The following PHF21B variants were observed in gnomAD, a reference collection of about 807,000 sequenced individuals.
PHF21B encodes PHD finger protein 4.
Under a neutral mutation model 62.2 loss-of-function variants are expected in PHF21B, and 22 were observed. The observed-to-expected ratio is 0.35, with a 90% CI of 0.25 to 0.51. The LOEUF (loss-of-function observed/expected upper bound fraction) is 0.51. Ranked by LOEUF, PHF21B falls within the 20% of genes least tolerant of loss-of-function variation. PHF21B has a pLI of 0.97. For synonymous variants in PHF21B, 341 were observed against 314.7 expected (o/e 1.08, Z -0.88); for missense variants, 701 against 707.9 (o/e 0.99, Z 0.11).
In PHF21B at chr22:44,960,363, C is replaced by T. The variant is rs544840620; in HGVS notation, c.121-39873G>A. 3.9e-5 allele frequency among the ~76,000 whole-genome samples: 6 copies of T among 152,230 alleles called. No homozygotes were observed. In the South Asian group the frequency reaches 1.0e-3, roughly 26 times the overall value. Reference sequence around the variant, plus strand: ...CCCGAAAAATGAGAAAATTCTGGGTCGACACTGCAGTCCGGCAGCACCAGG... The same window carrying T: ...CCCGAAAAATGAGAAAATTCTGGGTTGACACTGCAGTCCGGCAGCACCAGG... On this transcript the variant is annotated intron_variant, in intron 2 of 12. Coordinates refer to ENST00000313237, the MANE Select transcript of PHF21B (RefSeq NM_138415.5).
intron 8 of PHF21B, among the ~76,000 whole-genome samples, chr22:44,890,908 C>T (rs1030225104): frequency 6.6e-6 from 1 of 152,246 alleles, no homozygotes; most frequent in African/African-American, 2.4e-5. Context: ...CCAGAGCAGG[C>T]ACAAGAGGGT....
chr22:44,935,864 CCT>C (rs962324162), intron 2 of PHF21B, among the ~76,000 whole-genome samples: 3 of 152,058 alleles, frequency 2.0e-5, no homozygotes, highest in Non-Finnish European at 4.4e-5. Context: ...GTGGCTCTGC[CCT>C]GTCTCTGCCC....
At chr22:44,894,322 A>G (rs928830515) in intron 6 of PHF21B, among the ~76,000 whole-genome samples, 1 of 152,158 alleles carries the variant, frequency 6.6e-6, no homozygotes, top group African/African-American at 2.4e-5. Context: ...TTAGGAACGC[A>G]CTTTTCGATC....
chr22:44,884,562 GC>G (rs1569204605), intron 12 of PHF21B, among the ~76,000 whole-genome samples: 1 of 45,180 alleles, frequency 2.2e-5, no homozygotes, highest in Non-Finnish European at 4.8e-5. Context: ...AACCATGATC[GC>G]CATTATCACC....
intron 2 of PHF21B, among the ~76,000 whole-genome samples, chr22:44,921,196 T>A (rs1283409749): frequency 6.6e-6 from 1 of 152,096 alleles, no homozygotes; most frequent in Non-Finnish European, 1.5e-5. Context: ...GCAGCACCAC[T>A]AGCAGGGTGG....
At chr22:45,004,073 G>C (rs2073269381) in intron 2 of PHF21B, among the ~76,000 whole-genome samples, 3 of 152,094 alleles carry the variant, frequency 2.0e-5, no homozygotes, top group Admixed American at 6.6e-5. Flanking sequence ...GTTGCTTAAA[G>C]CTGGGGAAGG....
At chr22:44,926,579 G>T (rs1448732537) in intron 2 of PHF21B, among the ~76,000 whole-genome samples, 1 of 152,250 alleles carries the variant, frequency 6.6e-6, no homozygotes, top group Non-Finnish European at 1.5e-5. Context: ...GGGTTGCTGT[G>T]TGAAGTTGCT....
intron 2 of PHF21B, among the ~76,000 whole-genome samples, chr22:44,976,003 A>G (rs2072731925): frequency 6.6e-6 from 1 of 152,174 alleles, no homozygotes; most frequent in African/African-American, 2.4e-5. Context: ...CCTCATCTCT[A>G]CAAAAAAATT....
chr22:44,943,831 G>A (rs960118068), intron 2 of PHF21B, among the ~76,000 whole-genome samples: 7 of 152,110 alleles, frequency 4.6e-5, no homozygotes, highest in African/African-American at 9.7e-5. Context: ...CACCATGCTC[G>A]TGGGGCACCG....
In PHF21B at chr22:44,883,241, G is replaced by C; in HGVS notation, c.1441C>G (p.Arg481Gly). ...RQRGTQSSLD[R>G]LRALLRLIQG... ...ATCAGTCTCAGGAGGGCCCGCAGGC[G>C]GTCCAGGGATGACTGGGTGCCCCTC... The change falls in exon 13 of 13, where the codon CGC (arginine) becomes GGC (glycine). Residue 481 changes from arginine to glycine, a missense_variant. Transcript: ENST00000313237. 1 of 1,613,934 alleles carries C rather than the reference G, an allele frequency of 6.2e-7. No individual in the cohort carries two copies. The highest frequency in any genetic ancestry group is 8.5e-7 in the Non-Finnish European group (1 of 1,179,964).
chr22:45,009,430 G>C lies in PHF21B; in HGVS notation c.54+66C>G. The C allele has an allele frequency of 6.9e-7, 1 of 1,442,686 alleles. No homozygotes were observed. The highest frequency in any genetic ancestry group is 9.2e-7 in the Non-Finnish European group (1 of 1,083,802). The allele number at this position is 1,442,686 out of a possible 1,614,324, so 89.4% of individuals were successfully genotyped here. ...ACCCGGAAGAGAGGATGCTGGGCTC[G>C]GGTCCCCCGACCCCCTCACCCCGCA... On this transcript the variant is annotated intron_variant, in intron 1 of 12. Transcript: ENST00000313237. This position sits in a 1 kb window ranked among gnomAD's most constrained non-coding sequence, Gnocchi z 5.9.
At chr22:44,995,919 G>A (rs2073114463) in intron 2 of PHF21B, among the ~76,000 whole-genome samples, 1 of 152,072 alleles carries the variant, frequency 6.6e-6, no homozygotes, top group Admixed American at 6.5e-5. Context: ...AGGTGTTGAG[G>A]GCACAGCGGA....
chr22:44,926,639 G>A (rs1018854195), intron 2 of PHF21B, among the ~76,000 whole-genome samples: 13 of 152,236 alleles, frequency 8.5e-5, no homozygotes, highest in African/African-American at 3.1e-4. Flanking sequence ...AGCCATGTGT[G>A]TTTTCCATGT....
intron 4 of PHF21B, among the ~76,000 whole-genome samples, chr22:44,915,884 C>T (rs566046877): frequency 3.3e-5 from 5 of 152,162 alleles, no homozygotes; most frequent in Admixed American, 6.5e-5. Context: ...AGCCCTTGAC[C>T]GTCCAACTCC....
chr22:44,977,042 C>T (rs909132497), intron 2 of PHF21B, among the ~76,000 whole-genome samples: 4 of 152,040 alleles, frequency 2.6e-5, no homozygotes, highest in Non-Finnish European at 4.4e-5. Flanking sequence ...CTGACCTGGG[C>T]CCGAGAGGGT....
In PHF21B at chr22:44,913,889, G is replaced by A. The variant is rs1249749250; in HGVS notation, c.764C>T (p.Pro255Leu). Residue 255 changes from proline (P) to leucine (L), a missense_variant, in exon 5 of 13, where the codon CCA becomes CTA. By Grantham distance (98) the Pro-to-Leu change is moderately conservative. Transcript: ENST00000313237. Reference protein sequence around the residue: ...TAESRPPTEEPSQGAQATKKK... With the variant: ...TAESRPPTEELSQGAQATKKK... The stretch of plus-strand genomic sequence containing the variant: ...TTTGGTGGCCTGAGCTCCCTGAGAT[G>A]GCTCCTCTGTGGGCGGCCGCGACTC... 1.4e-5 allele frequency: 23 copies of A among 1,613,942 alleles called. No homozygotes were observed. The highest frequency in any genetic ancestry group is 1.9e-5 in the Non-Finnish European group (23 of 1,180,024).
intron 2 of PHF21B, among the ~76,000 whole-genome samples, chr22:44,984,333 A>G (rs1045207956): frequency 1.3e-5 from 2 of 150,178 alleles, no homozygotes; most frequent in Admixed American, 6.6e-5. Context: ...GAGCTGAAGA[A>G]GCATGACCTT....
chr22:45,007,638 C>G (rs1012153581), intron 2 of PHF21B, among the ~76,000 whole-genome samples: 1 of 145,256 alleles, frequency 6.9e-6, no homozygotes, highest in Non-Finnish European at 1.5e-5. Context: ...GTGCCCCCAG[C>G]ACGCCATTGG....
chr22:44,947,768 C>T (rs1476013), intron 2 of PHF21B, among the ~76,000 whole-genome samples: 103,724 of 152,070 alleles, frequency 0.68, 38,208 homozygotes, highest in East Asian at 0.89. Context: ...CAGGGTGTGG[C>T]CCTGGCTCCC....
Sources: allele counts gnomAD v4.1 joint callset (sites outside exome capture counted in the v4.1 genomes callset), GRCh38; gene constraint gnomAD v4.1.1; non-coding constraint Gnocchi (gnomAD v3.1); transcripts MANE v1.5; gene names NCBI Gene and HGNC (gene_info 2026-07-23, HGNC 2026-07-21).